The following XKR4 variants were observed in gnomAD, a reference collection of about 807,000 sequenced individuals.
XKR4 encodes XK related 4.
In XKR4, 12 loss-of-function variants were observed where a neutral mutation model predicts 53.9. That is an observed-to-expected ratio of 0.22 (90% CI 0.14 to 0.36). The LOEUF is 0.36. XKR4 is among the 10% of genes least tolerant of loss of function. XKR4 has a pLI of 1.00. For missense variants in XKR4, 799 were observed against 859.5 expected (o/e 0.93, Z 0.88); for synonymous variants, 354 against 362.4 (o/e 0.98, Z 0.26).
chr8:55,239,924 G>T (rs1282724007), intron 1 of XKR4, among the ~76,000 whole-genome samples: 1 of 152,118 alleles, frequency 6.6e-6, no homozygotes, highest in Non-Finnish European at 1.5e-5. Context: ...TTGACCTAAT[G>T]GTCTCTCCCC....
chr8:55,476,289 C>T (rs11996681), intron 2 of XKR4, among the ~76,000 whole-genome samples: 52,168 of 151,802 alleles, frequency 0.34, 10,924 homozygotes, highest in African/African-American at 0.6. Context: ...ATTCACAGGG[C>T]GCCTGACTGT....
intron 1 of XKR4, among the ~76,000 whole-genome samples, chr8:55,137,064 A>G (rs1018947451): frequency 2.6e-5 from 4 of 152,196 alleles, no homozygotes; most frequent in Non-Finnish European, 4.4e-5. Flanking sequence ...TCTGAAAACA[A>G]TAGTTTTTAG....
chr8:55,397,592 T>TC (rs1804540229), intron 2 of XKR4, among the ~76,000 whole-genome samples: 1 of 151,302 alleles, frequency 6.6e-6, no homozygotes, highest in Admixed American at 6.6e-5. Context: ...AATGTTTTTT[T>TC]TTTTTCTAGG....
intron 1 of XKR4, among the ~76,000 whole-genome samples, chr8:55,231,092 G>A (rs147520209): frequency 2.1e-4 from 32 of 152,228 alleles, no homozygotes; most frequent in African/African-American, 6.3e-4. Flanking sequence ...GGTTTCTTCC[G>A]TTGCTAAAGT....
intron 1 of XKR4, among the ~76,000 whole-genome samples, chr8:55,261,933 C>A (rs7838121): frequency 6.6e-6 from 1 of 151,438 alleles, no homozygotes; most frequent in Admixed American, 6.6e-5. Flanking sequence ...AGACTGTAAG[C>A]AGTATCTTTA....
intron 1 of XKR4, among the ~76,000 whole-genome samples, chr8:55,293,958 G>C (rs1819065018): frequency 6.6e-6 from 1 of 152,096 alleles, no homozygotes; most frequent in African/African-American, 2.4e-5. Context: ...TTTCAAATAG[G>C]TCATTAACAT....
intron 1 of XKR4, among the ~76,000 whole-genome samples, chr8:55,149,502 C>A (rs1816813955): frequency 6.6e-6 from 1 of 152,102 alleles, no homozygotes; most frequent in African/African-American, 2.4e-5. Context: ...GGTGGGGAGC[C>A]TTTGGCATCG....
intron 2 of XKR4, among the ~76,000 whole-genome samples, chr8:55,376,377 C>A (rs1022474132): frequency 2.1e-4 from 32 of 152,184 alleles, no homozygotes; most frequent in Non-Finnish European, 1.9e-4. Context: ...TCTCTGCAAC[C>A]TCACCAGTAT....
intron 1 of XKR4, among the ~76,000 whole-genome samples, chr8:55,121,848 AC>A (rs1585889508): frequency 6.6e-6 from 1 of 151,906 alleles, no homozygotes; most frequent in Non-Finnish European, 1.5e-5. Context: ...ACACACACAC[AC>A]ACACACACAC....
At chr8:55,365,950 C>A (rs1268124957) in intron 2 of XKR4, among the ~76,000 whole-genome samples, 1 of 152,170 alleles carries the variant, frequency 6.6e-6, no homozygotes, top group Non-Finnish European at 1.5e-5. Flanking sequence ...AGCCATGGAG[C>A]CAGCCAGGCA....
At chr8:55,442,637 T>C (rs138221172) in intron 2 of XKR4, among the ~76,000 whole-genome samples, 4 of 152,324 alleles carry the variant, frequency 2.6e-5, no homozygotes, top group African/African-American at 9.6e-5. Flanking sequence ...AAAATATTAC[T>C]TAGCCTTAGA....
At chr8:55,226,660 C>T (rs1248428163) in intron 1 of XKR4, among the ~76,000 whole-genome samples, 1 of 152,072 alleles carries the variant, frequency 6.6e-6, no homozygotes, top group Non-Finnish European at 1.5e-5. Context: ...TTCTAAACAC[C>T]TCCCAACTCT....
chr8:55,279,903 C>T (rs1430454153), intron 1 of XKR4, among the ~76,000 whole-genome samples: 1 of 152,166 alleles, frequency 6.6e-6, no homozygotes, highest in South Asian at 2.1e-4. Flanking sequence ...ATTTGCTCTT[C>T]TCTTAAATGT....
At chr8:55,388,406 T>G (rs1804358217) in intron 2 of XKR4, among the ~76,000 whole-genome samples, 1 of 152,214 alleles carries the variant, frequency 6.6e-6, no homozygotes, top group African/African-American at 2.4e-5. Context: ...CAGGCTACTA[T>G]AAAAATATAC....
chr8:55,242,164 T>A (rs1266994700), intron 1 of XKR4, among the ~76,000 whole-genome samples: 1 of 152,184 alleles, frequency 6.6e-6, no homozygotes, highest in Non-Finnish European at 1.5e-5. Flanking sequence ...CTTAATCACA[T>A]CTGAATCTTT....
intron 1 of XKR4, among the ~76,000 whole-genome samples, chr8:55,139,311 G>A (rs1289722811): frequency 6.6e-6 from 1 of 152,072 alleles, no homozygotes; most frequent in African/African-American, 2.4e-5. Context: ...CAGGGCAGGT[G>A]GATCATGAGG....
Position 55,202,979 on chromosome 8 carries a change from G to A in XKR4, c.806+99685G>A, listed in dbSNP as rs190267600. On this transcript the variant is annotated intron_variant, in intron 1 of 2. Transcript: ENST00000327381. ...GAGGGTTGGTTACACTTCACTGAAC[G>A]AAGTTGCAGGCATTTGAAAGACCGA... Among the ~76,000 whole-genome samples the A allele has an allele frequency of 4.0e-4, 61 of 152,318 alleles. No homozygotes were observed. The East Asian group carries it at 6.9e-3, about 17-fold the overall frequency.
In XKR4 at chr8:55,514,817, G is replaced by A. The variant is rs1020638594; in HGVS notation, c.1007-8464G>A. ...TTATTTTTAGTGTAAAATTAATCAC[G>A]CAATATGTAGTACTGAACAAAGAAG... On this transcript the variant is annotated intron_variant, in intron 2 of 2. Transcript: ENST00000327381. 2.6e-5 allele frequency among the ~76,000 whole-genome samples: 4 copies of A among 152,012 alleles called. No homozygotes were observed. The South Asian group carries it at 6.2e-4, about 24-fold the overall frequency.
intron 2 of XKR4, among the ~76,000 whole-genome samples, chr8:55,504,632 G>T (rs2658939): frequency 0.67 from 101,375 of 151,948 alleles, 34,543 homozygotes; most frequent in East Asian, 0.86. Flanking sequence ...AGGATTTATG[G>T]TAATTCCTCT....
Sources: gnomAD v4.1 joint callset for allele counts (sites outside exome capture counted in the v4.1 genomes callset) on GRCh38, gnomAD v4.1.1 for gene constraint, MANE v1.5 for transcripts, NCBI Gene and HGNC (gene_info 2026-07-23, HGNC 2026-07-21) for gene names.